Variants in TDRD12 observed in about 807,000 individuals in gnomAD.
TDRD12 encodes putative ATP-dependent RNA helicase TDRD12.
A neutral mutation model predicts 133.5 loss-of-function variants in TDRD12; 158 were observed. The observed-to-expected ratio is 1.18, with a 90% confidence interval of 1.04 to 1.35. The LOEUF (loss-of-function observed/expected upper bound fraction) is 1.35. Ranked by LOEUF, TDRD12 falls within the 40% of genes most tolerant of loss-of-function variation. The probability of loss-of-function intolerance (pLI) is 0.00; values close to 1 mark genes in which losing one functional copy is unlikely to be tolerated. For synonymous variants in TDRD12, 460 were observed against 477.9 expected (o/e 0.96, Z 0.49); for missense variants, 1,443 against 1,321.3 (o/e 1.09, Z -1.43).
At chr19:32,754,665 C>G (rs1294078690) in intron 6 of TDRD12, among the ~76,000 whole-genome samples, 1 of 141,994 alleles carries the variant, frequency 7.0e-6, no homozygotes, top group Non-Finnish European at 1.5e-5. Flanking sequence ...GATAATGACT[C>G]TATCTTTTTT....
chr19:32,755,423 T>G (rs1428227415), intron 6 of TDRD12, among the ~76,000 whole-genome samples: 3 of 152,234 alleles, frequency 2.0e-5, no homozygotes, highest in Non-Finnish European at 4.4e-5. Flanking sequence ...CACCTCATTG[T>G]GGTTTAAATT....
rs759853767 is a variant in TDRD12 at position 32,800,367 on chromosome 19, GTGTGTATGTGTA to G, written c.1950+21_1950+32del. ...ATGGCAATGTCCAACAGGTAACTTT[GTGTGTATGTGTA>G]TGTGTATGTGTGTGTGTGTGTGTAT... On this transcript the variant is annotated intron_variant, in intron 17 of 27. Coordinates refer to ENST00000444215, the Ensembl canonical transcript of TDRD12. 2.6e-5 allele frequency: 39 copies of G among 1,500,838 alleles called. No homozygotes were observed. The highest frequency in any genetic ancestry group is 1.8e-4 in the Admixed American group (8 of 44,806). The allele number at this position is 1,500,838 out of a possible 1,614,324, so 93.0% of individuals were successfully genotyped here. A position where few individuals can be genotyped will look rare whatever the true frequency, so the allele number is the denominator to read the frequency against.
At chr19:32,802,837 GTC>G (rs749959957) in intron 20 of TDRD12, 48 bp downstream of exon 20, 2 of 1,534,286 alleles carry the variant, frequency 1.3e-6, no homozygotes, top group South Asian at 2.4e-5. Context: ...CATCTTCTGT[GTC>G]ATGATAAGCT....
intron 8 of TDRD12, among the ~76,000 whole-genome samples, chr19:32,765,266 T>G (rs1970262126): frequency 6.6e-6 from 1 of 152,048 alleles, no homozygotes; most frequent in Admixed American, 6.6e-5. Context: ...TGTGGAGAAA[T>G]AGGAACACTT....
chr19:32,741,957 T>C (rs1969441036), intron 3 of TDRD12, among the ~76,000 whole-genome samples: 4 of 152,172 alleles, frequency 2.6e-5, no homozygotes, highest in Admixed American at 2.6e-4. Flanking sequence ...GCCAAACTTA[T>C]TATTTAAAAA....
chr19:32,748,515 T>C, exon 5 of TDRD12: 1 of 1,551,740 alleles, frequency 6.4e-7, no homozygotes. Context: ...TTCAGTACTT[T>C]CAGAACCTTC....
At chr19:32,829,284 C>T (rs919940485) in exon 10 of TDRD12, 3 of 152,228 alleles carry the variant, frequency 2.0e-5, no homozygotes, top group Non-Finnish European at 1.5e-5. Flanking sequence ...CCTGTGCACT[C>T]GTGAAAATGC....
intron 24 of TDRD12, 70 bp from the exon 25 acceptor site, chr19:32,813,614 T>C: frequency 1.1e-6 from 1 of 880,986 alleles, no homozygotes; most frequent in Non-Finnish European, 1.8e-6. Context: ...TTTTGCAAAC[T>C]GTATGGCATA....
Position 32,810,077 on chromosome 19 carries a change from A to G in TDRD12, c.2653-16A>G. 1 of 1,461,902 alleles carries G rather than the reference A, an allele frequency of 6.8e-7. No homozygotes were observed. The highest frequency in any genetic ancestry group is 9.1e-7 in the Non-Finnish European group (1 of 1,098,332). The allele number at this position is 1,461,902 out of a possible 1,614,324, so 90.6% of individuals were successfully genotyped here. A position where few individuals can be genotyped will look rare whatever the true frequency, so the allele number is the denominator to read the frequency against. On this transcript the variant is annotated splice_polypyrimidine_tract_variant and intron_variant, in intron 22 of 27. Coordinates refer to ENST00000444215, the Ensembl canonical transcript of TDRD12. ...CTAAGTTTGTTTCTTGGTCATGTTTACTATATATGTTTCAGATAATACCTT... is the reference window on the plus strand; with the variant it reads ...CTAAGTTTGTTTCTTGGTCATGTTTGCTATATATGTTTCAGATAATACCTT...
At chr19:32,725,957 A>G (rs1257059017) in intron 1 of TDRD12, among the ~76,000 whole-genome samples, 1 of 152,132 alleles carries the variant, frequency 6.6e-6, no homozygotes, top group East Asian at 1.9e-4. Flanking sequence ...TGTGCCTTGT[A>G]GCCTTGTAAA....
intron 3 of TDRD12, among the ~76,000 whole-genome samples, chr19:32,740,576 C>T (rs1969393819): frequency 6.6e-6 from 1 of 152,190 alleles, no homozygotes; most frequent in Non-Finnish European, 1.5e-5. Context: ...CTCCTGCGTT[C>T]TCTGCATCTT....
exon 14 of TDRD12, chr19:32,794,736 C>G (rs1321274019): frequency 4.3e-6 from 3 of 703,218 alleles, no homozygotes; most frequent in South Asian, 1.5e-5. Context: ...TGAAAGCAAC[C>G]CTTTGCTCTA....
chr19:32,787,904 A>G (rs1056870189), intron 11 of TDRD12, among the ~76,000 whole-genome samples: 1 of 151,988 alleles, frequency 6.6e-6, no homozygotes, highest in African/African-American at 2.4e-5. Flanking sequence ...AGGTGGGGCG[A>G]CACTCCACCC....
intron 2 of TDRD12, among the ~76,000 whole-genome samples, chr19:32,735,139 C>G (rs1159357870): frequency 6.6e-6 from 1 of 152,082 alleles, no homozygotes; most frequent in African/African-American, 2.4e-5. Flanking sequence ...AATGATTGAA[C>G]TTAGAGGAAG....
chr19:32,775,081 C>G (rs572806768), intron 10 of TDRD12, among the ~76,000 whole-genome samples: 5 of 152,142 alleles, frequency 3.3e-5, no homozygotes, highest in African/African-American at 7.2e-5. Flanking sequence ...TTTCTTACAT[C>G]AAATAGTCAT....
intron 27 of TDRD12, among the ~76,000 whole-genome samples, chr19:32,818,846 G>A (rs1725958765): frequency 6.6e-6 from 1 of 152,276 alleles, no homozygotes; most frequent in Non-Finnish European, 1.5e-5. Context: ...CAGACCCAGC[G>A]AGTGAGGACC....
intron 11 of TDRD12, among the ~76,000 whole-genome samples, chr19:32,784,689 C>T (rs923526649): frequency 7.2e-5 from 11 of 152,120 alleles, no homozygotes; most frequent in South Asian, 2.1e-4. Flanking sequence ...TTCAGAGATT[C>T]GACTTCTTCC....
At chr19:32,802,241 G>GAT (rs1156982662) in intron 19 of TDRD12, among the ~76,000 whole-genome samples, 5 of 144,132 alleles carry the variant, frequency 3.5e-5, no homozygotes, top group Admixed American at 2.8e-4. Flanking sequence ...ATATGATAGT[G>GAT]ATATATATGA....
chr19:32,768,167 T>C (rs984810146), intron 8 of TDRD12, among the ~76,000 whole-genome samples: 1 of 152,112 alleles, frequency 6.6e-6, no homozygotes, highest in Admixed American at 6.6e-5. Context: ...ATTTACCAGC[T>C]GGTGCTTTGC....
Sources: gnomAD v4.1 joint callset for allele counts (sites outside exome capture counted in the v4.1 genomes callset) on GRCh38, gnomAD v4.1.1 for gene constraint, MANE v1.5 for transcripts, NCBI Gene and HGNC (gene_info 2026-07-23, HGNC 2026-07-21) for gene names.